The following ARHGAP32 variants were observed in gnomAD, a reference collection of about 807,000 sequenced individuals.
ARHGAP32 encodes the protein Rho GTPase activating protein 32.
In ARHGAP32, 51 loss-of-function variants were observed where a neutral mutation model predicts 186.5. The observed-to-expected ratio is 0.27, with a 90% CI of 0.22 to 0.35. ARHGAP32 has a LOEUF of 0.35. Ranked by LOEUF, ARHGAP32 falls within the 10% of genes least tolerant of loss-of-function variation. The pLI is 1.00. For synonymous variants in ARHGAP32, 950 were observed against 964.3 expected, an observed-to-expected ratio of 0.99 and a Z score of 0.27; for missense variants, 2,186 against 2,623.5, an observed-to-expected ratio of 0.83 and a Z score of 3.64.
chr11:129,156,071 CT>C (rs1565447664), intron 2 of ARHGAP32, among the ~76,000 whole-genome samples: 1 of 152,230 alleles, frequency 6.6e-6, no homozygotes, highest in African/African-American at 2.4e-5. Flanking sequence ...AAATACTACG[CT>C]TTTCACATGG....
At chr11:129,116,844 C>T (rs7358424) in intron 5 of ARHGAP32, among the ~76,000 whole-genome samples, 3 of 151,890 alleles carry the variant, frequency 2.0e-5, no homozygotes, top group Non-Finnish European at 4.4e-5. Context: ...TTGACTTTAC[C>T]TAAGTGCTTC....
chr11:128,970,510 C>A lies in ARHGAP32; in HGVS notation c.4703G>T (p.Arg1568Leu), dbSNP rs566484718. The change falls in exon 23 of 23, where the codon CGG (arginine) becomes CTG (leucine). Residue 1568 changes from arginine to leucine, a missense_variant. By Grantham distance (102) the Arg-to-Leu change is moderately radical (BLOSUM62 -2). This residue lies in a region of ARHGAP32 where 1,502 missense variants were observed against 1,570.0 expected (regional missense o/e 0.96). Transcript: ENST00000682385. The surrounding 1 kb of genome is among the most constrained non-coding windows in gnomAD (Gnocchi z 5.8). ...ASGHHSKPCSRVEYVSSLSSS... is the reference protein window; with the variant it reads ...ASGHHSKPCSLVEYVSSLSSS... ...GCTCAAAGAAGACACATACTCGACC[C>A]GGCTGCATGGCTTGGAGTGGTGTCC... 1 of 1,614,094 alleles carries A rather than the reference C, an allele frequency of 6.2e-7. No individual in the cohort carries two copies. Among genetic ancestry groups the A allele is most frequent in the Non-Finnish European group, 8.5e-7 (1 of 1,180,000 alleles).
At chr11:129,090,394 T>C (rs1941540521) in intron 6 of ARHGAP32, among the ~76,000 whole-genome samples, 1 of 152,198 alleles carries the variant, frequency 6.6e-6, no homozygotes. Flanking sequence ...TTACTGTATA[T>C]ATTTATAAAA....
At chr11:129,191,349 G>GCCC (rs1034862008) in intron 1 of ARHGAP32, among the ~76,000 whole-genome samples, 2 of 121,128 alleles carry the variant, frequency 1.7e-5, no homozygotes, top group African/African-American at 5.2e-5. Flanking sequence ...CCAGAATAAA[G>GCCC]CCCCCTAAAA....
At position 129,249,013 on chromosome 11, in the gene ARHGAP32, G is replaced by A. The variant is rs188340116; in HGVS notation, c.-5+30133C>T. On this transcript the variant is annotated intron_variant, in intron 1 of 6. Transcript: ENST00000525234. Reference sequence around the variant, plus strand: ...AGAAAAAGATAACACAATGCCACACGAATTAGCTCTTACAACAAATGGTGC... The same window carrying A: ...AGAAAAAGATAACACAATGCCACACAAATTAGCTCTTACAACAAATGGTGC... 3.2e-3 allele frequency among the ~76,000 whole-genome samples: 487 copies of A among 152,246 alleles called. 1 individual carries two copies. Among genetic ancestry groups the A allele is most frequent in the Admixed American group, 9.6e-3 (147 of 15,286 alleles).
rs557676228 is a variant in ARHGAP32 at position 129,185,909 on chromosome 11, T to C, written c.116+6174A>G. Reference sequence around the variant, plus strand: ...ATGTATGATTATGAGAACATGGAAATGGAAACTAATCATTAATGTAAAGAA... The same window carrying C: ...ATGTATGATTATGAGAACATGGAAACGGAAACTAATCATTAATGTAAAGAA... On this transcript the variant is annotated intron_variant, in intron 1 of 22. Transcript: ENST00000682385. Among the ~76,000 whole-genome samples, 4 of 152,194 alleles carry C rather than the reference T, an allele frequency of 2.6e-5. No homozygotes were observed. In the East Asian group the frequency reaches 7.7e-4, roughly 29 times the overall value.
At chr11:129,268,830 T>C (rs1945439618) in intron 1 of ARHGAP32, among the ~76,000 whole-genome samples, 1 of 152,190 alleles carries the variant, frequency 6.6e-6, no homozygotes, top group Non-Finnish European at 1.5e-5. Flanking sequence ...CTTCTCATTA[T>C]TGCTGAAAAC....
intron 10 of ARHGAP32, among the ~76,000 whole-genome samples, chr11:129,041,336 A>G (rs1939583691): frequency 6.6e-6 from 1 of 152,156 alleles, no homozygotes; most frequent in Admixed American, 6.5e-5. Flanking sequence ...AAATTTTATA[A>G]TTTAATAATG....
At chr11:129,090,029 T>C (rs571536180) in intron 6 of ARHGAP32, among the ~76,000 whole-genome samples, 16 of 152,194 alleles carry the variant, frequency 1.1e-4, no homozygotes, top group Non-Finnish European at 2.2e-4. Flanking sequence ...CAGAAATGTA[T>C]GCAAGTTACT....
intron 1 of ARHGAP32, among the ~76,000 whole-genome samples, chr11:129,251,241 TTCTC>T (rs1305388486): frequency 6.6e-6 from 1 of 152,194 alleles, no homozygotes; most frequent in Non-Finnish European, 1.5e-5. Flanking sequence ...CAAGCATCTC[TTCTC>T]TCTTTCAATG....
At chr11:129,004,231 A>G (rs1325461972) in intron 11 of ARHGAP32, among the ~76,000 whole-genome samples, 1 of 144,772 alleles carries the variant, frequency 6.9e-6, no homozygotes, top group Non-Finnish European at 1.5e-5. Context: ...GCCTGATATC[A>G]CTTCAATGCT....
At chr11:129,259,035 A>G (rs958457078) in intron 1 of ARHGAP32, among the ~76,000 whole-genome samples, 3 of 152,222 alleles carry the variant, frequency 2.0e-5, no homozygotes, top group Non-Finnish European at 4.4e-5. Context: ...CTAGTCATAA[A>G]GAGAACTACC....
chr11:129,189,040 A>G (rs1944222250), intron 1 of ARHGAP32, among the ~76,000 whole-genome samples: 1 of 152,112 alleles, frequency 6.6e-6, no homozygotes, highest in African/African-American at 2.4e-5. Flanking sequence ...TAAAAGTCAC[A>G]TTATTGTGTT....
At chr11:129,010,067 C>G (rs1438541658) in intron 11 of ARHGAP32, among the ~76,000 whole-genome samples, 5 of 152,100 alleles carry the variant, frequency 3.3e-5, no homozygotes, top group African/African-American at 1.2e-4. Context: ...CTCTAACGAC[C>G]AGTGTTGTTT....
intron 11 of ARHGAP32, among the ~76,000 whole-genome samples, chr11:129,030,972 C>T (rs1230702637): frequency 6.6e-6 from 1 of 152,200 alleles, no homozygotes; most frequent in African/African-American, 2.4e-5. Context: ...TCCCACTTCG[C>T]TTTCAACCAT....
At position 128,972,901 on chromosome 11, in the gene ARHGAP32, C is replaced by G. The variant is rs765181490; in HGVS notation, c.3605G>C (p.Gly1202Ala). ...DHVSFPEDQS[G>A]KNSMPTVSFL... ...GGAGACAGTTGGCATACTGTTCTTC[C>G]CAGACTGGTCTTCAGGGAAACTTAC... is the stretch of plus-strand genomic sequence containing the variant. Residue 1202 changes from glycine (G) to alanine (A), a missense_variant, in exon 22 of 23, where the codon GGG becomes GCG. Physicochemically the swap from Gly to Ala is moderately conservative, Grantham distance 60. Transcript: ENST00000682385. 4 of 1,613,890 alleles carry G rather than the reference C, an allele frequency of 2.5e-6. No individual in the cohort carries two copies. The highest frequency in any genetic ancestry group is 3.4e-6 in the Non-Finnish European group (4 of 1,180,008).
intron 1 of ARHGAP32, among the ~76,000 whole-genome samples, chr11:129,191,420 C>T (rs1403929276): frequency 6.6e-6 from 1 of 151,436 alleles, no homozygotes; most frequent in African/African-American, 2.4e-5. Context: ...CTGGTTAAGA[C>T]ATCTTTCTTC....
intron 1 of ARHGAP32, among the ~76,000 whole-genome samples, chr11:129,178,721 G>T (rs1297547430): frequency 6.6e-6 from 1 of 152,100 alleles, no homozygotes; most frequent in South Asian, 2.1e-4. Flanking sequence ...AAATGGTGCT[G>T]GGAAAACTGG....
chr11:129,112,819 C>T lies in ARHGAP32; in HGVS notation c.444+10627G>A, dbSNP rs184134463. Among the ~76,000 whole-genome samples, 226 of 152,228 alleles carry T rather than the reference C, an allele frequency of 1.5e-3. 1 individual carries two copies. Among genetic ancestry groups the T allele is most frequent in the African/African-American group, 5.0e-3 (209 of 41,540 alleles). On this transcript the variant is annotated intron_variant, in intron 5 of 22. Coordinates refer to ENST00000682385, the MANE Select transcript of ARHGAP32 (RefSeq NM_001378024.1). ...AAGCAAATGACTGCTTTTCTCAAAT[C>T]ATATTATAGTCTATAAGTATGCCCT...
Sources: allele counts gnomAD v4.1 joint callset (sites outside exome capture counted in the v4.1 genomes callset), GRCh38; gene constraint gnomAD v4.1.1; regional missense constraint gnomAD v4.1.1; non-coding constraint Gnocchi (gnomAD v3.1); transcripts MANE v1.5; gene names NCBI Gene and HGNC (gene_info 2026-07-23, HGNC 2026-07-21).